Variants in NRCAM observed in about 807,000 individuals in gnomAD.
NRCAM encodes the protein NgCAM-related cell adhesion molecule.
In NRCAM, 83 loss-of-function variants were observed where a neutral mutation model predicts 156.5. The observed-to-expected ratio is 0.53, with a 90% CI of 0.44 to 0.64. The LOEUF is 0.64. Among genes scored for constraint, NRCAM ranks in the 30% least tolerant of loss-of-function variants. The pLI is 0.00. For missense variants in NRCAM, 1,417 were observed against 1,597.3 expected, an observed-to-expected ratio of 0.89 and a Z score of 1.92; for synonymous variants, 538 against 563.9, an observed-to-expected ratio of 0.95 and a Z score of 0.65.
At chr7:108,349,919 C>CA (rs1453351695) in intron 2 of NRCAM, among the ~76,000 whole-genome samples, 1 of 152,190 alleles carries the variant, frequency 6.6e-6, no homozygotes, top group Non-Finnish European at 1.5e-5. Context: ...AATTCCTTGT[C>CA]ATGGCTAAGT....
chr7:108,169,628 G>A (rs1173773609), intron 28 of NRCAM, among the ~76,000 whole-genome samples: 1 of 152,088 alleles, frequency 6.6e-6, no homozygotes. Flanking sequence ...TGCTAAGCAT[G>A]GGGAAACAGC....
chr7:108,426,426 TA>T (rs1817385788), intron 1 of NRCAM, among the ~76,000 whole-genome samples: 1 of 152,248 alleles, frequency 6.6e-6, no homozygotes, highest in Admixed American at 6.5e-5. Flanking sequence ...TTATAGTTCA[TA>T]AAGCATTCAA....
intron 3 of NRCAM, among the ~76,000 whole-genome samples, chr7:108,276,788 C>T (rs1472264486): frequency 6.6e-6 from 1 of 152,142 alleles, no homozygotes; most frequent in Non-Finnish European, 1.5e-5. Flanking sequence ...ATGGTGCTAC[C>T]TGATTATTTT....
chr7:108,168,436 CAT>C, intron 28 of NRCAM, 34 bp from the exon 29 acceptor site: 1 of 1,555,452 alleles, frequency 6.4e-7, no homozygotes, highest in East Asian at 2.3e-5. Context: ...AACAAACAAT[CAT>C]ATTGCAACAC....
chr7:108,381,609 G>A (rs1408068986), intron 2 of NRCAM, among the ~76,000 whole-genome samples: 1 of 144,324 alleles, frequency 6.9e-6, no homozygotes, highest in Non-Finnish European at 1.5e-5. Flanking sequence ...GCCCAGGCTA[G>A]ACTGCAATGG....
intron 2 of NRCAM, among the ~76,000 whole-genome samples, chr7:108,389,196 A>G (rs1394649674): frequency 1.3e-5 from 2 of 152,194 alleles, no homozygotes; most frequent in South Asian, 2.1e-4. Flanking sequence ...CATGAGCATG[A>G]AATGTTCTTC....
chr7:108,350,160 A>G (rs1434140030), intron 2 of NRCAM, among the ~76,000 whole-genome samples: 1 of 152,072 alleles, frequency 6.6e-6, no homozygotes, highest in African/African-American at 2.4e-5. Flanking sequence ...ACTTTCTCAA[A>G]TGTTCCCTCT....
chr7:108,375,161 T>G (rs1288544729), intron 2 of NRCAM, among the ~76,000 whole-genome samples: 1 of 152,106 alleles, frequency 6.6e-6, no homozygotes, highest in Non-Finnish European at 1.5e-5. Context: ...GCAGCACATA[T>G]AGCTATATAT....
intron 2 of NRCAM, among the ~76,000 whole-genome samples, chr7:108,345,859 G>A (rs2099349772): frequency 1.3e-5 from 2 of 152,236 alleles, no homozygotes; most frequent in South Asian, 2.1e-4. Flanking sequence ...GTCATACGCT[G>A]CAAGCTGCAC....
intron 2 of NRCAM, among the ~76,000 whole-genome samples, chr7:108,352,344 A>G (rs2099419024): frequency 6.6e-6 from 1 of 152,226 alleles, no homozygotes; most frequent in Non-Finnish European, 1.5e-5. Context: ...AGTGGCATAC[A>G]CATAATTTTT....
chr7:108,255,506 C>T lies in NRCAM; in HGVS notation c.-106-15336G>A, dbSNP rs564703229. Among the ~76,000 whole-genome samples the T allele has an allele frequency of 1.3e-3, 204 of 152,234 alleles. 1 individual carries two copies. The highest frequency in any genetic ancestry group is 4.6e-3 in the African/African-American group (193 of 41,522). ...AGGCTGGAGTGCAGTGGCGTGATCTCGGCTCGCTACAACCTCCACCTCCCA... is the reference window on the plus strand; with the variant it reads ...AGGCTGGAGTGCAGTGGCGTGATCTTGGCTCGCTACAACCTCCACCTCCCA... On this transcript the variant is annotated intron_variant, in intron 3 of 32. Coordinates refer to ENST00000379028, the MANE Select transcript of NRCAM (RefSeq NM_001037132.4).
intron 15 of NRCAM, among the ~76,000 whole-genome samples, chr7:108,195,023 A>G (rs1587658528): frequency 6.6e-6 from 1 of 152,170 alleles, no homozygotes; most frequent in Non-Finnish European, 1.5e-5. Context: ...CTGGTGCAAC[A>G]AGTACTCAAG....
intron 1 of NRCAM, among the ~76,000 whole-genome samples, chr7:108,453,498 T>C (rs1373030607): frequency 2.0e-5 from 3 of 152,182 alleles, no homozygotes; most frequent in Non-Finnish European, 2.9e-5. Flanking sequence ...AATGATGTGG[T>C]GTAAGGGCAA....
chr7:108,298,847 C>T (rs2098510199), intron 3 of NRCAM, among the ~76,000 whole-genome samples: 1 of 150,878 alleles, frequency 6.6e-6, no homozygotes, highest in African/African-American at 2.4e-5. Flanking sequence ...GTGGCTCATG[C>T]CTAATCCCAG....
At position 108,223,764 on chromosome 7, in the gene NRCAM, CT is replaced by C; in HGVS notation, c.850del (p.Arg284GlufsTer58). On this transcript the variant is annotated frameshift_variant, in exon 11 of 33. Coordinates refer to ENST00000379028, the MANE Select transcript of NRCAM (RefSeq NM_001037132.4). LOFTEE classifies it high-confidence loss of function. ...EGNASNKEEL[R>X]GNVLSLECIA... ...GCACTCCAGTGAAAGCACATTTCCT[CT>C]TAATTCCTCTTTGTTACTTGCATTG... 1.2e-6 allele frequency: 2 copies of C among 1,610,164 alleles called. No individual in the cohort carries two copies. The highest frequency in any genetic ancestry group is 1.7e-6 in the Non-Finnish European group (2 of 1,176,594).
intron 2 of NRCAM, among the ~76,000 whole-genome samples, chr7:108,379,713 T>G (rs950356301): frequency 6.6e-6 from 1 of 152,020 alleles, no homozygotes; most frequent in Admixed American, 6.6e-5. Flanking sequence ...CTTCTGAAAA[T>G]AAAAAATGAA....
Position 108,232,403 on chromosome 7 carries a change from T to A in NRCAM, c.350A>T (p.Tyr117Phe). The change falls in exon 7 of 33, where the codon TAT becomes TTT. Residue 117 changes from tyrosine (Y) to phenylalanine (F), a missense_variant. Physicochemically the swap from Tyr to Phe is conservative, Grantham distance 22 (BLOSUM62 3). Transcript: ENST00000379028. ...TGCTGTACACTGATAGACTCCTTCA[T>A]AGGTCTCAGCTTTCCCTTCGCTCAT... is the stretch of plus-strand genomic sequence containing the variant. ...NIMSEGKAET[Y>F]EGVYQCTARN... 6.2e-7 allele frequency: 1 copy of A among 1,613,810 alleles called. No homozygotes were observed. The highest frequency in any genetic ancestry group is 8.5e-7 in the Non-Finnish European group (1 of 1,179,780).
intron 14 of NRCAM, among the ~76,000 whole-genome samples, chr7:108,197,450 C>T (rs2075746751): frequency 6.6e-6 from 1 of 152,138 alleles, no homozygotes; most frequent in Admixed American, 6.5e-5. Context: ...ATAAGAAATA[C>T]AATGTTCACA....
chr7:108,235,730 G>T (rs7785181), intron 5 of NRCAM, among the ~76,000 whole-genome samples: 11,181 of 152,110 alleles, frequency 0.074, 597 homozygotes, highest in African/African-American at 0.14. Context: ...GACTGGGGTG[G>T]TAGTGATAGT....
Sources: allele counts gnomAD v4.1 joint callset (sites outside exome capture counted in the v4.1 genomes callset), GRCh38; gene constraint gnomAD v4.1.1; transcripts MANE v1.5; gene names NCBI Gene and HGNC (gene_info 2026-07-23, HGNC 2026-07-21).